The following FOXP1 variants were observed in gnomAD, a reference collection of about 807,000 sequenced individuals.
FOXP1 encodes forkhead box P1, also known as forkhead box protein P1.
A neutral mutation model predicts 98.2 loss-of-function variants in FOXP1; 15 were observed. That is an observed-to-expected ratio of 0.15 (90% CI 0.10 to 0.24). The LOEUF is 0.24. FOXP1 is among the 10% of genes least tolerant of loss of function. FOXP1 has a pLI of 1.00. For missense variants in FOXP1, 633 were observed against 848.5 expected (o/e 0.75, Z 3.15); for synonymous variants, 371 against 314.5 (o/e 1.18, Z -1.90).
intron 5 of FOXP1, among the ~76,000 whole-genome samples, chr3:71,240,029 G>T (rs2067116218): frequency 2.0e-5 from 3 of 152,188 alleles, no homozygotes; most frequent in African/African-American, 7.2e-5. Flanking sequence ...AGAACTGGGG[G>T]GCTTCGAAAG....
chr3:71,480,116 AC>A (rs1349165201), intron 3 of FOXP1, among the ~76,000 whole-genome samples: 2 of 152,128 alleles, frequency 1.3e-5, no homozygotes, highest in Admixed American at 1.3e-4. Context: ...GAATTGGTTG[AC>A]CCCGGGAGGC....
chr3:71,308,686 G>A (rs887592495), intron 4 of FOXP1, among the ~76,000 whole-genome samples: 1 of 146,524 alleles, frequency 6.8e-6, no homozygotes, highest in Admixed American at 6.9e-5. Flanking sequence ...TTTGAGCAAA[G>A]GAAAAAAAAA....
chr3:71,293,877 A>C (rs2073019503), intron 5 of FOXP1, among the ~76,000 whole-genome samples: 1 of 152,236 alleles, frequency 6.6e-6, no homozygotes, highest in Admixed American at 6.5e-5. Flanking sequence ...ATTTTTCCCC[A>C]GTTCTGTCCC....
intron 5 of FOXP1, among the ~76,000 whole-genome samples, chr3:71,235,977 CT>C (rs967871039): frequency 2.4e-4 from 37 of 152,284 alleles, no homozygotes; most frequent in African/African-American, 7.7e-4. Context: ...ATCTATTTAC[CT>C]AAGACAAATG....
chr3:71,472,522 G>A lies in FOXP1; in HGVS notation c.-168+20904C>T, dbSNP rs1199367313. On this transcript the variant is annotated intron_variant, in intron 3 of 20. Coordinates refer to ENST00000649528, the MANE Select transcript of FOXP1 (RefSeq NM_001349338.3). ...GTCGGTTCCACTTGCTCTGATACAC[G>A]CTATTTCACTTCAATGAAGTAAATG... Among the ~76,000 whole-genome samples the A allele has an allele frequency of 2.6e-5, 4 of 150,954 alleles. No homozygotes were observed. In the East Asian group the frequency reaches 5.8e-4, roughly 22 times the overall value.
intron 4 of FOXP1, among the ~76,000 whole-genome samples, chr3:71,309,276 G>A (rs759117156): frequency 7.2e-5 from 11 of 151,880 alleles, no homozygotes; most frequent in African/African-American, 1.2e-4. Flanking sequence ...AAATATGGTC[G>A]AAATCACTGC....
chr3:71,514,872 T>C, intron 2 of FOXP1, among the ~76,000 whole-genome samples: 1 of 152,132 alleles, frequency 6.6e-6, no homozygotes, highest in East Asian at 1.9e-4. Flanking sequence ...TCGCTCCTCT[T>C]CCAACATTCC....
chr3:71,501,374 C>T (rs2041342479), intron 2 of FOXP1, among the ~76,000 whole-genome samples: 1 of 151,080 alleles, frequency 6.6e-6, no homozygotes. Context: ...GGCTCACCAC[C>T]ACCTCCGACT....
chr3:71,189,777 C>G (rs1351017675), intron 6 of FOXP1, among the ~76,000 whole-genome samples: 1 of 152,230 alleles, frequency 6.6e-6, no homozygotes, highest in Admixed American at 6.5e-5. Flanking sequence ...GTCACTCATT[C>G]ATAAATAGTC....
At chr3:71,433,430 G>A (rs549576439) in intron 3 of FOXP1, among the ~76,000 whole-genome samples, 1 of 152,174 alleles carries the variant, frequency 6.6e-6, no homozygotes, top group African/African-American at 2.4e-5. Context: ...AATTGATCAG[G>A]GAAACAACTT....
At chr3:71,289,046 A>ATTTATTTT (rs1553821235) in intron 5 of FOXP1, among the ~76,000 whole-genome samples, 9 of 136,892 alleles carry the variant, frequency 6.6e-5, no homozygotes, top group Admixed American at 5.3e-4. Flanking sequence ...TTATTTATTT[A>ATTTATTTT]TTTTTTGAGA....
chr3:71,006,611 G>A (rs970780544), intron 12 of FOXP1, among the ~76,000 whole-genome samples: 8 of 152,106 alleles, frequency 5.3e-5, no homozygotes, highest in African/African-American at 1.7e-4. Context: ...GGTAGACAGT[G>A]TCAATAAAAG....
intron 6 of FOXP1, among the ~76,000 whole-genome samples, chr3:71,140,776 G>A (rs1043223875): frequency 4.6e-5 from 7 of 152,014 alleles, no homozygotes; most frequent in South Asian, 2.1e-4. Context: ...GGAACTTTTC[G>A]AAAGAGGACT....
intron 3 of FOXP1, among the ~76,000 whole-genome samples, chr3:71,375,293 T>C (rs1202134543): frequency 6.6e-6 from 1 of 152,164 alleles, no homozygotes; most frequent in African/African-American, 2.4e-5. Flanking sequence ...AAGGGATTCC[T>C]CTCTTAATTC....
At chr3:71,267,686 A>G (rs1452579085) in intron 5 of FOXP1, among the ~76,000 whole-genome samples, 2 of 152,182 alleles carry the variant, frequency 1.3e-5, no homozygotes, top group African/African-American at 4.8e-5. Flanking sequence ...GGCAAATATT[A>G]TCACTTCTGG....
intron 17 of FOXP1, among the ~76,000 whole-genome samples, chr3:70,975,984 A>G (rs1227294978): frequency 2.6e-4 from 39 of 151,958 alleles, no homozygotes. Flanking sequence ...AAATAGTATT[A>G]TAATGAATAT....
chr3:71,381,220 G>A (rs2080141916), intron 3 of FOXP1, among the ~76,000 whole-genome samples: 1 of 145,974 alleles, frequency 6.9e-6, no homozygotes. Flanking sequence ...ATGTGATCTC[G>A]GCTCACTGCA....
intron 2 of FOXP1, among the ~76,000 whole-genome samples, chr3:71,560,038 G>A (rs930833386): frequency 2.6e-5 from 4 of 152,138 alleles, no homozygotes; most frequent in African/African-American, 9.7e-5. Flanking sequence ...GAGACAATGA[G>A]AAAGCAAGAC....
intron 2 of FOXP1, among the ~76,000 whole-genome samples, chr3:71,521,021 C>G (rs1016795106): frequency 1.3e-5 from 2 of 152,076 alleles, no homozygotes; most frequent in African/African-American, 2.4e-5. Context: ...CTACCAGGTG[C>G]CAAGACCATG....
Sources: gnomAD v4.1 joint callset for allele counts (sites outside exome capture counted in the v4.1 genomes callset) on GRCh38, gnomAD v4.1.1 for gene constraint, MANE v1.5 for transcripts, NCBI Gene and HGNC (gene_info 2026-07-23, HGNC 2026-07-21) for gene names.